The following SLC17A8 variants were observed in gnomAD, a reference collection of about 807,000 sequenced individuals.
The protein encoded by SLC17A8 is vesicular glutamate transporter 3.
Under a neutral mutation model 58.0 loss-of-function variants are expected in SLC17A8, and 31 were observed. The ratio of observed to expected loss-of-function variants is 0.53; its 90% CI spans 0.40 to 0.72. The LOEUF (loss-of-function observed/expected upper bound fraction) is 0.72, where lower values mean the gene tolerates loss of function less well. Among genes scored for constraint, SLC17A8 ranks in the 30% least tolerant of loss-of-function variants. SLC17A8 has a pLI of 0.00. For missense variants in SLC17A8, 655 were observed against 727.8 expected, an observed-to-expected ratio of 0.90 and a Z score of 1.15; for synonymous variants, 228 against 249.0, an observed-to-expected ratio of 0.92 and a Z score of 0.79.
chr12:100,370,282 A>G (rs1952550100), intron 1 of SLC17A8, among the ~76,000 whole-genome samples: 1 of 150,614 alleles, frequency 6.6e-6, no homozygotes. Context: ...CAATTAATCT[A>G]AATTTATTTT....
chr12:100,382,094 C>T (rs1952641823), intron 2 of SLC17A8, among the ~76,000 whole-genome samples: 1 of 152,200 alleles, frequency 6.6e-6, no homozygotes, highest in Non-Finnish European at 1.5e-5. Context: ...ATTCCATCCA[C>T]AGACTCCAGG....
At position 100,420,119 on chromosome 12, in the gene SLC17A8, C is replaced by T; in HGVS notation, c.1730C>T (p.Ser577Phe). ...ACCCTTGATGAGGAAGAGCTGACAT[C>T]CTACCAGAATGAAGAGAGAAACTTC... is the stretch of plus-strand genomic sequence containing the variant. The part of the protein sequence containing the change: ...GATLDEEELT[S>F]YQNEERNFST... Residue 577 changes from serine to phenylalanine, a missense_variant, in exon 12 of 12, where the codon TCC (serine) becomes TTC (phenylalanine). Ser to Phe is a radical substitution (Grantham distance 155, BLOSUM62 -2). Transcript: ENST00000323346. The T allele has an allele frequency of 1.9e-6, 3 of 1,613,856 alleles. No individual in the cohort carries two copies. The highest frequency in any genetic ancestry group is 2.5e-6 in the Non-Finnish European group (3 of 1,179,898).
At chr12:100,392,433 G>A (rs1177011323) in intron 3 of SLC17A8, among the ~76,000 whole-genome samples, 6 of 152,026 alleles carry the variant, frequency 3.9e-5, no homozygotes, top group Admixed American at 3.3e-4. Flanking sequence ...AATATATTTT[G>A]TTTATGGGTT....
At position 100,391,494 on chromosome 12, in the gene SLC17A8, G is replaced by A. The variant is rs184757056; in HGVS notation, c.473+375G>A. Among the ~76,000 whole-genome samples the A allele has an allele frequency of 5.0e-3, 760 of 151,820 alleles. 2 individuals carry two copies. The highest frequency in any genetic ancestry group is 0.014 in the South Asian group (66 of 4,812). ...TAACTTTTGTATTTTTGGTAGAGAC[G>A]AGGTTTCACCATGTTGGCCAGGCTG... On this transcript the variant is annotated intron_variant, in intron 3 of 11. Transcript: ENST00000323346.
rs1250447502 is a variant in SLC17A8, at chr12:100,404,145, T to G, written c.1161T>G (p.Ala387=). The G allele has an allele frequency of 6.2e-7, 1 of 1,614,226 alleles. No individual in the cohort carries two copies. The highest frequency in any genetic ancestry group is 2.2e-5 in the East Asian group (1 of 44,888). Residue 387 remains alanine, a synonymous_variant, in exon 9 of 12, where the codon GCT becomes GCG. Transcript: ENST00000323346. ...LRSRQILTTT[A]VRKIMNCGGF... ...GCAGACAAATTTTAACCACAACTGC[T>G]GTCAGAAAAATCATGAACTGTGGAG... is the stretch of plus-strand genomic sequence containing the variant.
chr12:100,371,421 A>G (rs752294287), intron 1 of SLC17A8, among the ~76,000 whole-genome samples: 29 of 152,110 alleles, frequency 1.9e-4, no homozygotes, highest in Admixed American at 1.3e-4. Context: ...AGCACTCGCC[A>G]TTCGTCAGGC....
chr12:100,361,897 G>A (rs549076827), intron 1 of SLC17A8, among the ~76,000 whole-genome samples: 1 of 151,360 alleles, frequency 6.6e-6, no homozygotes, highest in Admixed American at 6.6e-5. Context: ...GGAGGCAGAG[G>A]TTGCAGTGAG....
chr12:100,399,514 G>A (rs547174902), intron 5 of SLC17A8, among the ~76,000 whole-genome samples: 2 of 152,160 alleles, frequency 1.3e-5, no homozygotes, highest in South Asian at 4.2e-4. Context: ...TGCATGGCTG[G>A]GGAGGCCTCA....
At chr12:100,395,601 A>G (rs1328706759) in intron 4 of SLC17A8, among the ~76,000 whole-genome samples, 2 of 151,480 alleles carry the variant, frequency 1.3e-5, no homozygotes, top group Admixed American at 1.3e-4. Flanking sequence ...TTGGGATTAC[A>G]AGCATAAGCC....
At chr12:100,406,501 A>G (rs61941788) in intron 9 of SLC17A8, among the ~76,000 whole-genome samples, 11,609 of 151,490 alleles carry the variant, frequency 0.077, 590 homozygotes, top group South Asian at 0.18. Context: ...GTACATTGAG[A>G]TGCAGATGAT....
intron 6 of SLC17A8, 36 bp downstream of exon 6, chr12:100,401,899 CAT>C: frequency 1.3e-6 from 2 of 1,522,480 alleles, no homozygotes; most frequent in Non-Finnish European, 1.8e-6. Context: ...ACATGTGACT[CAT>C]AGAGATGGTA....
intron 1 of SLC17A8, among the ~76,000 whole-genome samples, chr12:100,366,655 G>A (rs527649572): frequency 3.3e-4 from 51 of 152,262 alleles, no homozygotes; most frequent in Non-Finnish European, 5.4e-4. Context: ...CGGAACCTTC[G>A]GTCTTCTCCT....
chr12:100,384,933 C>T (rs1952662561), intron 2 of SLC17A8, among the ~76,000 whole-genome samples: 1 of 152,156 alleles, frequency 6.6e-6, no homozygotes, highest in South Asian at 2.1e-4. Context: ...GGACTGCTTT[C>T]TTTCCTCTTC....
At position 100,404,180 on chromosome 12, in the gene SLC17A8, A is replaced by T; in HGVS notation, c.1186+10A>T. 6.2e-7 allele frequency: 1 copy of T among 1,614,128 alleles called. No homozygotes were observed. Among genetic ancestry groups the T allele is most frequent in the Non-Finnish European group, 8.5e-7 (1 of 1,180,004 alleles). On this transcript the variant is annotated intron_variant, in intron 9 of 11. Coordinates refer to ENST00000323346, the MANE Select transcript of SLC17A8 (RefSeq NM_139319.3). ...ATCATGAACTGTGGAGGTACTGTGG[A>T]TTTCATAGATGGCTTAGGCAGCTTT...
intron 2 of SLC17A8, among the ~76,000 whole-genome samples, chr12:100,384,199 A>C (rs1952657137): frequency 6.6e-6 from 1 of 152,184 alleles, no homozygotes; most frequent in Non-Finnish European, 1.5e-5. Flanking sequence ...GGAACTGGCC[A>C]GACCTGGTTT....
intron 1 of SLC17A8, among the ~76,000 whole-genome samples, chr12:100,379,623 G>A (rs1952619306): frequency 6.6e-6 from 1 of 152,148 alleles, no homozygotes; most frequent in Non-Finnish European, 1.5e-5. Flanking sequence ...GGCCATGACA[G>A]TATCCTCAGA....
Position 100,402,763 on chromosome 12 carries a change from C to T in SLC17A8, c.1053+18C>T, listed in dbSNP as rs762967080. The T allele has an allele frequency of 3.7e-6, 6 of 1,604,534 alleles. No homozygotes were observed. The East Asian group carries it at 1.3e-4, about 36-fold the overall frequency. On this transcript the variant is annotated intron_variant, in intron 8 of 11. Transcript: ENST00000323346. ...TAAGTAAGGTAAACACACAGATGCTCCAAATATTTTTGAACTTTAAATCTC... is the reference window on the plus strand; with the variant it reads ...TAAGTAAGGTAAACACACAGATGCTTCAAATATTTTTGAACTTTAAATCTC...
In SLC17A8 at chr12:100,412,754, C is replaced by A. The variant is rs375885528; in HGVS notation, c.1187-16C>A. 15 of 1,572,194 alleles carry A rather than the reference C, an allele frequency of 9.5e-6. 1 individual carries two copies. The highest frequency in any genetic ancestry group is 4.4e-5 in the South Asian group (4 of 90,230). ...ATGAAAATGACATTTTTTTCCCTTG[C>A]TGTTTCCATTTGCAGGTTTTGGCAT... On this transcript the variant is annotated splice_polypyrimidine_tract_variant and intron_variant, in intron 9 of 11. Coordinates refer to ENST00000323346, the MANE Select transcript of SLC17A8 (RefSeq NM_139319.3).
At chr12:100,381,659 G>A (rs974752491) in intron 2 of SLC17A8, among the ~76,000 whole-genome samples, 1 of 152,020 alleles carries the variant, frequency 6.6e-6, no homozygotes, top group Non-Finnish European at 1.5e-5. Context: ...TCTGTGTCAT[G>A]GACTCCTGGA....
Sources: allele counts gnomAD v4.1 joint callset (sites outside exome capture counted in the v4.1 genomes callset), GRCh38; gene constraint gnomAD v4.1.1; transcripts MANE v1.5; gene names NCBI Gene and HGNC (gene_info 2026-07-23, HGNC 2026-07-21).